Variants in GALNT9 observed in about 807,000 individuals in gnomAD.
GALNT9 encodes polypeptide N-acetylgalactosaminyltransferase 9.
GALNT9 carries 47 observed loss-of-function variants against 63.1 expected under a neutral mutation model. That is an observed-to-expected ratio of 0.75 (90% CI 0.59 to 0.95). The LOEUF (loss-of-function observed/expected upper bound fraction) is 0.95. GALNT9 is among the 40% of genes least tolerant of loss of function. The pLI is 0.00. For synonymous variants in GALNT9, 396 were observed against 365.7 expected, an observed-to-expected ratio of 1.08 and a Z score of -0.94; for missense variants, 829 against 874.8, an observed-to-expected ratio of 0.95 and a Z score of 0.66.
rs1443577307 is a variant in GALNT9 at position 132,236,932 on chromosome 12, C to T, written c.1077+10978G>A. Among the ~76,000 whole-genome samples the T allele has an allele frequency of 3.3e-5, 5 of 152,134 alleles. No homozygotes were observed. The highest frequency in any genetic ancestry group is 6.5e-5 in the Admixed American group (1 of 15,284). ...GGCCTCCCACAGCCTGGCTTCCTCC[C>T]GCAGGCCCCACAGCTGTTCTTATCC... On this transcript the variant is annotated intron_variant, in intron 6 of 10. Coordinates refer to ENST00000328957, the MANE Select transcript of GALNT9 (RefSeq NM_001122636.2). This position sits in a 1 kb window ranked among gnomAD's most constrained non-coding sequence, Gnocchi z 5.6.
chr12:132,282,614 T>TGAGG lies in GALNT9; in HGVS notation c.419+3635_419+3636insCCTC, dbSNP rs1880406783. Among the ~76,000 whole-genome samples the TGAGG allele has an allele frequency of 6.6e-6, 1 of 151,696 alleles. No individual in the cohort carries two copies. The highest frequency in any genetic ancestry group is 1.5e-5 in the Non-Finnish European group (1 of 67,938). On this transcript the variant is annotated intron_variant, in intron 2 of 10. Transcript: ENST00000328957. The surrounding 1 kb of genome is among the most constrained non-coding windows in gnomAD (Gnocchi z 4.5). Reference sequence around the variant, plus strand: ...CTCTTGATGATAAGGTTGCTGCAGCTCCCCCAGCTCCCAGCCTTGGTTTCA... The same window carrying TGAGG: ...CTCTTGATGATAAGGTTGCTGCAGCTGAGGCCCCCAGCTCCCAGCCTTGGTTTCA...
At chr12:132,201,893 C>G (rs1044137812) in intron 7 of GALNT9, among the ~76,000 whole-genome samples, 3 of 149,036 alleles carry the variant, frequency 2.0e-5, no homozygotes, top group Non-Finnish European at 4.5e-5. Flanking sequence ...CTTCCTGGGA[C>G]TGTGGGGCCT....
At chr12:132,305,812 G>A (rs529598216) in intron 1 of GALNT9, among the ~76,000 whole-genome samples, 65 of 152,230 alleles carry the variant, frequency 4.3e-4, no homozygotes, top group East Asian at 1.2e-3. Context: ...AGCGCGGCCC[G>A]AGTGCAGATG....
Position 132,197,256 on chromosome 12 carries a change from G to A in GALNT9, c.1666-3C>T, listed in dbSNP as rs574224451. On this transcript the variant is annotated splice_region_variant and splice_polypyrimidine_tract_variant and intron_variant, in intron 10 of 10. Transcript: ENST00000328957. Reference sequence around the variant, plus strand: ...GCCCGGCTCACAATGGGGCCACTCTGTGGGGACAGGCACATCAAGTCAGCC... The same window carrying A: ...GCCCGGCTCACAATGGGGCCACTCTATGGGGACAGGCACATCAAGTCAGCC... 7.4e-6 allele frequency: 12 copies of A among 1,610,852 alleles called. No homozygotes were observed. In the African/African-American group the frequency reaches 1.3e-4, roughly 18 times the overall value.
chr12:132,267,824 T>TGCAGTCACACAC, intron 2 of GALNT9, among the ~76,000 whole-genome samples: 1 of 28,616 alleles, frequency 3.5e-5, no homozygotes, highest in Non-Finnish European at 7.2e-5. Flanking sequence ...CACTCACACA[T>TGCAGTCACACAC]GCAGTCACAC....
Position 132,196,756 on chromosome 12 carries a change from G to A in GALNT9, c.*351C>T, listed in dbSNP as rs556939645. 2.2e-4 allele frequency: 228 copies of A among 1,058,236 alleles called. No individual in the cohort carries two copies. The highest frequency in any genetic ancestry group is 2.5e-4 in the Non-Finnish European group (217 of 875,504). 65.6% of individuals were successfully genotyped at this position (1,058,236 alleles called of 1,614,324 possible). On this transcript the variant is annotated 3_prime_UTR_variant, in exon 11 of 11. Transcript: ENST00000328957. ...CAGGGTGCAGCCTGGTGCATGGTCCGGGGCTTGGCCTCCCTATGGGGCGTG... is the reference window on the plus strand; with the variant it reads ...CAGGGTGCAGCCTGGTGCATGGTCCAGGGCTTGGCCTCCCTATGGGGCGTG...
chr12:132,247,655 C>T (rs781975151), intron 6 of GALNT9: 27 of 411,882 alleles, frequency 6.6e-5, no homozygotes, highest in African/African-American at 3.8e-4. Context: ...TGGCCGCACT[C>T]GCCCTCACCC....
chr12:132,305,502 C>G (rs28544295), intron 1 of GALNT9, among the ~76,000 whole-genome samples: 18 of 119,176 alleles, frequency 1.5e-4, no homozygotes, highest in African/African-American at 4.3e-4. Context: ...CCGGGGCACA[C>G]CCTCACCCGG....
chr12:132,200,072 G>A (rs913824174), intron 8 of GALNT9, among the ~76,000 whole-genome samples: 2 of 152,202 alleles, frequency 1.3e-5, no homozygotes, highest in Non-Finnish European at 2.9e-5. Flanking sequence ...GCACAGGGAG[G>A]CTGGGGGAGA....
intron 5 of GALNT9, among the ~76,000 whole-genome samples, chr12:132,257,464 C>T (rs1410711665): frequency 2.0e-5 from 3 of 150,072 alleles, no homozygotes; most frequent in African/African-American, 4.9e-5. Flanking sequence ...CCCCGGCCCT[C>T]GTCCCCACGC....
At chr12:132,312,866 T>A (rs1489346789) in intron 1 of GALNT9, among the ~76,000 whole-genome samples, 1 of 152,122 alleles carries the variant, frequency 6.6e-6, no homozygotes, top group East Asian at 1.9e-4. Context: ...AAGCCAAAGA[T>A]GAGGTTGTCA....
At chr12:132,314,619 A>G (rs560870150) in intron 1 of GALNT9, among the ~76,000 whole-genome samples, 180 of 152,074 alleles carry the variant, frequency 1.2e-3, no homozygotes, top group Non-Finnish European at 2.2e-3. Context: ...CTTCAAAGCA[A>G]TCCCCTCTCC....
rs1281214351 is a variant in GALNT9 at position 132,290,576 on chromosome 12, C to G, written c.239-4146G>C. ...GCACCCACGTCCACACCACCCACAT[C>G]CACAGCGCCCACATCCACAGCACCC... On this transcript the variant is annotated intron_variant, in intron 1 of 10. Transcript: ENST00000328957. 2.6e-5 allele frequency among the ~76,000 whole-genome samples: 4 copies of G among 151,090 alleles called. No individual in the cohort carries two copies. The East Asian group carries it at 7.8e-4, about 30-fold the overall frequency.
chr12:132,200,478 C>CATATGT (rs1194389619), intron 8 of GALNT9: 2 of 152,290 alleles, frequency 1.3e-5, no homozygotes, highest in African/African-American at 4.8e-5. Flanking sequence ...CGTGGCTCCG[C>CATATGT]ATATGTGGAT....
chr12:132,209,547 C>G (rs1443787543), intron 6 of GALNT9, among the ~76,000 whole-genome samples: 2 of 152,046 alleles, frequency 1.3e-5, no homozygotes, highest in African/African-American at 2.4e-5. Context: ...AAGACTTCAT[C>G]TCAAACAAAC....
rs1555238242 is a variant in GALNT9 at position 132,248,015 on chromosome 12, C to G, written c.972G>C (p.Met324Ile). ...DESAPIRTPA[M>I]IGCSFVVDRE... ...GGTCCACTACGAAGGAGCAGCCGAT[C>G]ATGGCTGGGGTCCTGGGAGGCAGAG... is the stretch of plus-strand genomic sequence containing the variant. Residue 324 changes from methionine to isoleucine, a missense_variant, in exon 6 of 11, where the codon ATG (methionine) becomes ATC (isoleucine). Physicochemically the swap from Met to Ile is conservative, Grantham distance 10. Transcript: ENST00000328957. 1 of 1,550,902 alleles carries G rather than the reference C, an allele frequency of 6.4e-7. No individual in the cohort carries two copies. Among genetic ancestry groups the G allele is most frequent in the South Asian group, 1.2e-5 (1 of 83,976 alleles).
rs1224995564 is a variant in GALNT9 at position 132,246,149 on chromosome 12, C to T, written c.1077+1761G>A. ...GGGTGCGTTCAATCCACGGCCGACC[C>T]GCCAAGGTCTGGTGTTTAACAATCA... On this transcript the variant is annotated intron_variant, in intron 6 of 10. Coordinates refer to ENST00000328957, the MANE Select transcript of GALNT9 (RefSeq NM_001122636.2). The surrounding 1 kb of genome is among the most constrained non-coding windows in gnomAD (Gnocchi z 4.7). Among the ~76,000 whole-genome samples, 3 of 152,232 alleles carry T rather than the reference C, an allele frequency of 2.0e-5. No individual in the cohort carries two copies. The highest frequency in any genetic ancestry group is 2.1e-4 in the South Asian group (1 of 4,828).
rs782250743 is a variant in GALNT9 at position 132,286,004 on chromosome 12, G to A, written c.419+246C>T. Among the ~76,000 whole-genome samples, 23 of 152,134 alleles carry A rather than the reference G, an allele frequency of 1.5e-4. No individual in the cohort carries two copies. Among genetic ancestry groups the A allele is most frequent in the African/African-American group, 2.4e-4 (10 of 41,440 alleles). On this transcript the variant is annotated intron_variant, in intron 2 of 10. Coordinates refer to ENST00000328957, the MANE Select transcript of GALNT9 (RefSeq NM_001122636.2). The surrounding 1 kb of genome is among the most constrained non-coding windows in gnomAD (Gnocchi z 7.4). ...ACTTTCCCACAGCAGACCTTTGCGC[G>A]TTTCTCCCAGGAGCCCGCAGCTCGT...
At position 132,291,430 on chromosome 12, in the gene GALNT9, A is replaced by T. The variant is rs1176569836; in HGVS notation, c.239-5000T>A. Reference sequence around the variant, plus strand: ...AGCGCACACGTCCACAGCACCCACAACCACAGCGCCCACGTCCACATCACC... The same window carrying T: ...AGCGCACACGTCCACAGCACCCACATCCACAGCGCCCACGTCCACATCACC... On this transcript the variant is annotated intron_variant, in intron 1 of 10. Transcript: ENST00000328957. Among the ~76,000 whole-genome samples the T allele has an allele frequency of 2.5e-3, 100 of 40,534 alleles. 1 individual carries two copies. The highest frequency in any genetic ancestry group is 7.7e-3 in the African/African-American group (78 of 10,122). 26.6% of individuals were successfully genotyped at this position (40,534 alleles called of 152,430 possible).
Sources: gnomAD v4.1 joint callset for allele counts (sites outside exome capture counted in the v4.1 genomes callset) on GRCh38, gnomAD v4.1.1 for gene constraint, Gnocchi (gnomAD v3.1) non-coding constraint, MANE v1.5 for transcripts, NCBI Gene and HGNC (gene_info 2026-07-23, HGNC 2026-07-21) for gene names.